NR2C2: variants seen among roughly 807,000 people sequenced by gnomAD.
The protein encoded by NR2C2 is nuclear receptor subfamily 2 group C member 2.
NR2C2 carries 6 observed loss-of-function variants against 62.9 expected under a neutral mutation model. The observed-to-expected ratio is 0.10, with a 90% CI of 0.05 to 0.19. The LOEUF (loss-of-function observed/expected upper bound fraction) is 0.19. Ranked by LOEUF, NR2C2 falls within the 10% of genes least tolerant of loss-of-function variation. The pLI is 1.00. For synonymous variants in NR2C2, 272 were observed against 273.8 expected (o/e 0.99, Z 0.07); for missense variants, 479 against 762.7 (o/e 0.63, Z 4.38).
At chr3:15,019,768 G>A (rs1385851441) in intron 4 of NR2C2, among the ~76,000 whole-genome samples, 3 of 152,140 alleles carry the variant, frequency 2.0e-5, no homozygotes, top group African/African-American at 4.8e-5. Flanking sequence ...GGAAAAGTGA[G>A]AGATAGTTGG....
chr3:15,002,070 T>A (rs1362141197), intron 1 of NR2C2, among the ~76,000 whole-genome samples: 3 of 152,246 alleles, frequency 2.0e-5, no homozygotes, highest in Non-Finnish European at 4.4e-5. Context: ...TGAATGTTTT[T>A]ATTCTTTTTC....
chr3:15,028,811 G>A, intron 8 of NR2C2, 92 bp downstream of exon 8: 1 of 1,340,342 alleles, frequency 7.5e-7, no homozygotes, highest in Non-Finnish European at 1.0e-6. Flanking sequence ...TACCTGTGCT[G>A]TATTTAACTA....
chr3:15,028,985 A>G (rs914426376), intron 8 of NR2C2, among the ~76,000 whole-genome samples: 2 of 152,224 alleles, frequency 1.3e-5, no homozygotes, highest in African/African-American at 4.8e-5. Context: ...CATAGGAGGA[A>G]AACTCTAGTG....
At chr3:14,950,398 C>G (rs2039317873) in intron 1 of NR2C2, among the ~76,000 whole-genome samples, 1 of 152,186 alleles carries the variant, frequency 6.6e-6, no homozygotes, top group African/African-American at 2.4e-5. Flanking sequence ...CAGAGGCTTC[C>G]TGTTCCATGT....
chr3:15,038,078 A>G lies in NR2C2; in HGVS notation c.1451A>G (p.Lys484Arg). ...CAGGAGTTCTGTAACAGCATGGCGA[A>G]GCTGGATATAGATGGCTATGAGTAT... ...KLQEFCNSMA[K>R]LDIDGYEYAY... The change falls in exon 12 of 14, where the codon AAG (lysine) becomes AGG (arginine). Residue 484 changes from lysine to arginine, a missense_variant. Physicochemically the swap from Lys to Arg is conservative, Grantham distance 26 (BLOSUM62 2). Transcript: ENST00000425241. 6.2e-7 allele frequency: 1 copy of G among 1,614,178 alleles called. No homozygotes were observed. Among genetic ancestry groups the G allele is most frequent in the Non-Finnish European group, 8.5e-7 (1 of 1,180,028 alleles).
chr3:15,037,113 CAAAA>C (rs1194047301), intron 11 of NR2C2, among the ~76,000 whole-genome samples: 4 of 128,718 alleles, frequency 3.1e-5, no homozygotes, highest in Admixed American at 7.8e-5. Flanking sequence ...GAGTGAGACT[CAAAA>C]AAAAAAAAAC....
chr3:15,020,605 T>C (rs2041644622), intron 4 of NR2C2, 148 bp from the exon 5 acceptor site: 6 of 747,586 alleles, frequency 8.0e-6, no homozygotes, highest in Non-Finnish European at 1.3e-5. Context: ...CCAGTATGCT[T>C]AATGCTCAGG....
At chr3:15,030,483 C>A in intron 9 of NR2C2, 31 bp downstream of exon 9, 1 of 1,538,586 alleles carries the variant, frequency 6.5e-7, no homozygotes, top group Non-Finnish European at 8.7e-7. Context: ...CATGTGCCCC[C>A]AACCTGCTGG....
chr3:15,023,575 T>A lies in NR2C2; in HGVS notation c.704+228T>A, dbSNP rs1030716134. Among the ~76,000 whole-genome samples, 26 of 152,228 alleles carry A rather than the reference T, an allele frequency of 1.7e-4. 1 individual carries two copies. Among genetic ancestry groups the A allele is most frequent in the Non-Finnish European group, 1.5e-5 (1 of 68,038 alleles). On this transcript the variant is annotated intron_variant, in intron 6 of 13. Transcript: ENST00000425241. ...TTCTCCTAGCCTTGAATTCAGATTATGTCCTGCAATTTAGGCATCATTCAT... is the reference window on the plus strand; with the variant it reads ...TTCTCCTAGCCTTGAATTCAGATTAAGTCCTGCAATTTAGGCATCATTCAT...
At chr3:14,994,345 C>T (rs1171167960) in intron 1 of NR2C2, among the ~76,000 whole-genome samples, 2 of 151,980 alleles carry the variant, frequency 1.3e-5, no homozygotes, top group Non-Finnish European at 2.9e-5. Context: ...CTTATGCCCC[C>T]TCCCAATCAT....
At chr3:15,036,481 T>G (rs759192907) in intron 11 of NR2C2, among the ~76,000 whole-genome samples, 51 of 151,988 alleles carry the variant, frequency 3.4e-4, no homozygotes, top group Non-Finnish European at 3.8e-4. Context: ...AGTGGAAGTT[T>G]TTGTTGTTGT....
At chr3:15,033,517 C>T (rs3773483) in intron 10 of NR2C2, among the ~76,000 whole-genome samples, 55,395 of 151,876 alleles carry the variant, frequency 0.36, 10,738 homozygotes, top group African/African-American at 0.49. Context: ...CAGAATTGTC[C>T]CATTCTCCAG....
chr3:14,961,785 T>G (rs2039694255), intron 1 of NR2C2, among the ~76,000 whole-genome samples: 1 of 152,236 alleles, frequency 6.6e-6, no homozygotes. Flanking sequence ...GAAAGCCGAA[T>G]TATCTGGTTT....
At chr3:15,009,794 A>T (rs765660705) in intron 2 of NR2C2, among the ~76,000 whole-genome samples, 1 of 152,204 alleles carries the variant, frequency 6.6e-6, no homozygotes, top group African/African-American at 2.4e-5. Context: ...GTCTGAAATC[A>T]AGGTGTCAGC....
rs770377363 is a variant in NR2C2, at chr3:15,044,575, G to C, written c.*1567G>C. Reference sequence around the variant, plus strand: ...TGTGGAAGACCCGGTCAATTGCTTTGTCTTTTGCTTTTTAAATAGTCCAGA... The same window carrying C: ...TGTGGAAGACCCGGTCAATTGCTTTCTCTTTTGCTTTTTAAATAGTCCAGA... On this transcript the variant is annotated 3_prime_UTR_variant, in exon 14 of 14. Coordinates refer to ENST00000425241, the MANE Select transcript of NR2C2 (RefSeq NM_001291694.2). 6 of 152,198 alleles carry C rather than the reference G, an allele frequency of 3.9e-5. No individual in the cohort carries two copies. Among genetic ancestry groups the C allele is most frequent in the Non-Finnish European group, 7.4e-5 (5 of 68,024 alleles). The allele number at this position is 152,198 out of a possible 1,614,324, so 9.4% of individuals were successfully genotyped here.
At chr3:15,021,101 G>A (rs1303934866) in intron 5 of NR2C2, among the ~76,000 whole-genome samples, 169 bp downstream of exon 5, 1 of 152,162 alleles carries the variant, frequency 6.6e-6, no homozygotes, top group Non-Finnish European at 1.5e-5. Flanking sequence ...GAGAGCCAAC[G>A]CTGCAGGGGT....
At chr3:14,979,091 C>T (rs1438475910) in intron 1 of NR2C2, among the ~76,000 whole-genome samples, 2 of 152,318 alleles carry the variant, frequency 1.3e-5, no homozygotes, top group Non-Finnish European at 2.9e-5. Context: ...CATCTGCTTT[C>T]TGTCCTCCAA....
chr3:14,955,858 A>G (rs2039509775), intron 1 of NR2C2, among the ~76,000 whole-genome samples: 1 of 151,648 alleles, frequency 6.6e-6, no homozygotes, highest in Non-Finnish European at 1.5e-5. Flanking sequence ...AGGTGTCAAC[A>G]CAGAAAATTG....
chr3:14,951,178 C>T (rs1291540764), intron 1 of NR2C2, among the ~76,000 whole-genome samples: 1 of 152,156 alleles, frequency 6.6e-6, no homozygotes, highest in African/African-American at 2.4e-5. Context: ...TTTGTCTCAC[C>T]ATCACAGGGG....
Sources: allele counts gnomAD v4.1 joint callset (sites outside exome capture counted in the v4.1 genomes callset), GRCh38; gene constraint gnomAD v4.1.1; transcripts MANE v1.5; gene names NCBI Gene and HGNC (gene_info 2026-07-23, HGNC 2026-07-21).